AFG1L: variants seen among roughly 807,000 people sequenced by gnomAD.
The protein encoded by AFG1L is AFG1-like ATPase.
Under a neutral mutation model 62.2 loss-of-function variants are expected in AFG1L, and 53 were observed. That is an observed-to-expected ratio of 0.85 (90% confidence interval 0.68 to 1.07). The LOEUF (loss-of-function observed/expected upper bound fraction) is 1.07. Ranked by LOEUF, AFG1L falls within the 50% of genes least tolerant of loss-of-function variation. The pLI is 0.00. For missense variants in AFG1L, 555 were observed against 590.5 expected, an observed-to-expected ratio of 0.94 and a Z score of 0.62; for synonymous variants, 228 against 210.3, an observed-to-expected ratio of 1.08 and a Z score of -0.73.
intron 8 of AFG1L, among the ~76,000 whole-genome samples, chr6:108,448,006 G>A (rs1156341966): frequency 6.6e-6 from 1 of 152,100 alleles, no homozygotes; most frequent in Non-Finnish European, 1.5e-5. Context: ...TTAACTAAAA[G>A]GCATGTTTCT....
At chr6:108,324,980 A>G (rs538066350) in intron 2 of AFG1L, among the ~76,000 whole-genome samples, 2 of 152,278 alleles carry the variant, frequency 1.3e-5, no homozygotes, top group South Asian at 4.1e-4. Context: ...GGTGTGAGCC[A>G]CTGTGCCTGG....
chr6:108,365,703 C>T (rs774672075), intron 5 of AFG1L, among the ~76,000 whole-genome samples: 3 of 151,974 alleles, frequency 2.0e-5, no homozygotes, highest in African/African-American at 4.8e-5. Flanking sequence ...TCATATCATT[C>T]TATTTTCAAC....
chr6:108,464,299 C>A (rs1194462462), intron 8 of AFG1L, among the ~76,000 whole-genome samples: 1 of 152,100 alleles, frequency 6.6e-6, no homozygotes, highest in Admixed American at 6.5e-5. Context: ...TTCAAATGAT[C>A]CAGCAATAAT....
chr6:108,299,075 A>G (rs1174604735), intron 1 of AFG1L, among the ~76,000 whole-genome samples: 3 of 152,036 alleles, frequency 2.0e-5, no homozygotes, highest in Non-Finnish European at 4.4e-5. Flanking sequence ...AGCCTGGCCA[A>G]CATGGTGAAA....
chr6:108,440,353 G>A (rs1043863549), intron 7 of AFG1L, among the ~76,000 whole-genome samples: 1 of 151,746 alleles, frequency 6.6e-6, no homozygotes, highest in East Asian at 2.0e-4. Flanking sequence ...ATTTTTAGTA[G>A]AGATGGGGTT....
chr6:108,411,780 G>A (rs1442070377), intron 7 of AFG1L, among the ~76,000 whole-genome samples: 2 of 152,150 alleles, frequency 1.3e-5, no homozygotes, highest in African/African-American at 4.8e-5. Flanking sequence ...AAGACCAAAG[G>A]TAGATAAAAC....
intron 2 of AFG1L, among the ~76,000 whole-genome samples, chr6:108,343,526 G>A (rs1029682567): frequency 6.6e-6 from 1 of 152,094 alleles, no homozygotes; most frequent in African/African-American, 2.4e-5. Flanking sequence ...ATTATGAATT[G>A]CTATGACACT....
At chr6:108,516,080 G>A (rs1774875118) in intron 11 of AFG1L, among the ~76,000 whole-genome samples, 1 of 152,190 alleles carries the variant, frequency 6.6e-6, no homozygotes, top group South Asian at 2.1e-4. Context: ...GTACAAGGAG[G>A]AGCTGGTACC....
At chr6:108,321,460 T>C (rs1777809561) in intron 1 of AFG1L, among the ~76,000 whole-genome samples, 1 of 152,132 alleles carries the variant, frequency 6.6e-6, no homozygotes, top group Non-Finnish European at 1.5e-5. Flanking sequence ...GGGCTGAAAG[T>C]TCCAACCTTC....
chr6:108,374,045 T>C (rs1780135234), intron 6 of AFG1L, among the ~76,000 whole-genome samples: 1 of 152,186 alleles, frequency 6.6e-6, no homozygotes, highest in African/African-American at 2.4e-5. Flanking sequence ...TGGTGTGAGA[T>C]GGTATCTCAT....
chr6:108,502,247 C>T (rs906869388), intron 10 of AFG1L, among the ~76,000 whole-genome samples: 3 of 151,354 alleles, frequency 2.0e-5, no homozygotes, highest in Admixed American at 1.3e-4. Flanking sequence ...CTCTTGTTGC[C>T]GAGGCTGGAG....
intron 6 of AFG1L, among the ~76,000 whole-genome samples, chr6:108,375,908 C>A (rs1423004697): frequency 6.6e-6 from 1 of 151,978 alleles, no homozygotes; most frequent in East Asian, 1.9e-4. Flanking sequence ...CTTTGTATGT[C>A]TGGTAGAATT....
chr6:108,343,339 C>G (rs898951594), intron 2 of AFG1L, among the ~76,000 whole-genome samples: 2 of 144,418 alleles, frequency 1.4e-5, no homozygotes, highest in East Asian at 4.5e-4. Context: ...TGAGCCACCA[C>G]GCCCGGCCAA....
At chr6:108,501,376 A>G (rs997620219) in intron 10 of AFG1L, among the ~76,000 whole-genome samples, 5 of 152,250 alleles carry the variant, frequency 3.3e-5, no homozygotes, top group African/African-American at 1.2e-4. Context: ...TTGTATTTTC[A>G]GTAATGGTTG....
At chr6:108,435,894 G>A (rs1212875793) in intron 7 of AFG1L, among the ~76,000 whole-genome samples, 3 of 152,156 alleles carry the variant, frequency 2.0e-5, no homozygotes, top group Admixed American at 1.3e-4. Context: ...ATATGTGTCT[G>A]CTAATGGTTT....
At chr6:108,432,025 A>G (rs1771100594) in intron 7 of AFG1L, among the ~76,000 whole-genome samples, 1 of 150,446 alleles carries the variant, frequency 6.6e-6, no homozygotes, top group Non-Finnish European at 1.5e-5. Flanking sequence ...TCGATCTGGT[A>G]TGCCATCAGG....
At chr6:108,347,097 T>A (rs1778892242) in intron 3 of AFG1L, 58 bp downstream of exon 3, 1 of 1,364,934 alleles carries the variant, frequency 7.3e-7, no homozygotes, top group African/African-American at 1.4e-5. Context: ...CAGCTTTCTC[T>A]CAGGGATGAT....
intron 10 of AFG1L, among the ~76,000 whole-genome samples, chr6:108,493,721 T>C (rs996772685): frequency 1.3e-5 from 2 of 152,220 alleles, no homozygotes; most frequent in Non-Finnish European, 2.9e-5. Context: ...TTTTACCATG[T>C]CGTGGATATG....
chr6:108,440,639 T>G (rs1582590681), intron 7 of AFG1L, among the ~76,000 whole-genome samples: 1 of 150,466 alleles, frequency 6.6e-6, no homozygotes, highest in South Asian at 2.2e-4. Flanking sequence ...GCCAACATGG[T>G]GAAACCCCGT....
Sources: allele counts gnomAD v4.1 joint callset (sites outside exome capture counted in the v4.1 genomes callset), GRCh38; gene constraint gnomAD v4.1.1; transcripts MANE v1.5; gene names NCBI Gene and HGNC (gene_info 2026-07-23, HGNC 2026-07-21).